The following PTPRE variants were observed in gnomAD, a reference collection of about 807,000 sequenced individuals.
PTPRE encodes receptor-type tyrosine-protein phosphatase epsilon.
In PTPRE, 51 loss-of-function variants were observed where a neutral mutation model predicts 102.0. That is an observed-to-expected ratio of 0.50 (90% CI 0.40 to 0.63). The LOEUF (loss-of-function observed/expected upper bound fraction) is 0.63, where lower values mean the gene tolerates loss of function less well. PTPRE is among the 30% of genes least tolerant of loss of function. The pLI, the probability that PTPRE is intolerant of heterozygous loss-of-function variation, is 0.00. For synonymous variants in PTPRE, 345 were observed against 348.2 expected (o/e 0.99, Z 0.10); for missense variants, 752 against 915.1 (o/e 0.82, Z 2.30).
At chr10:128,064,741 G>T (rs1043119531) in intron 10 of PTPRE, among the ~76,000 whole-genome samples, 1 of 152,222 alleles carries the variant, frequency 6.6e-6, no homozygotes, top group East Asian at 1.9e-4. Context: ...CTGGGCTGCT[G>T]CCGCGTCCTC....
At chr10:128,078,829 G>A (rs542846216) in intron 19 of PTPRE, among the ~76,000 whole-genome samples, 35 of 152,336 alleles carry the variant, frequency 2.3e-4, no homozygotes, top group Admixed American at 5.9e-4. Context: ...CGATCATTGC[G>A]GCAGGACAGG....
intron 1 of PTPRE, among the ~76,000 whole-genome samples, chr10:127,974,267 G>A (rs1850978672): frequency 6.6e-6 from 1 of 152,174 alleles, no homozygotes; most frequent in African/African-American, 2.4e-5. Flanking sequence ...TACTAACCCA[G>A]CAGGAAATTT....
intron 18 of PTPRE, 27 bp downstream of exon 18, chr10:128,076,755 C>G: frequency 6.2e-7 from 1 of 1,609,164 alleles, no homozygotes; most frequent in East Asian, 2.2e-5. Context: ...TCTTTAAACG[C>G]TTGTGAATTT....
At chr10:128,046,816 T>C (rs1299480832) in intron 3 of PTPRE, among the ~76,000 whole-genome samples, 1 of 152,134 alleles carries the variant, frequency 6.6e-6, no homozygotes, top group Non-Finnish European at 1.5e-5. Context: ...GGTCAACCTG[T>C]CAGGTACAAA....
intron 1 of PTPRE, among the ~76,000 whole-genome samples, chr10:127,914,845 A>G (rs1846102619): frequency 6.6e-6 from 1 of 152,208 alleles, no homozygotes; most frequent in South Asian, 2.1e-4. Context: ...GCTGGGCACG[A>G]GATAAGGACC....
At position 127,988,116 on chromosome 10, in the gene PTPRE, C is replaced by T. The variant is rs149238999; in HGVS notation, c.-8+5820C>T. On this transcript the variant is annotated intron_variant, in intron 2 of 20. Transcript: ENST00000254667. The stretch of plus-strand genomic sequence containing the variant: ...GAGTTACAGAGAGATTTCTCAGACC[C>T]GGCGGTGCATCAGGATGAGGTCTCG... Among the ~76,000 whole-genome samples the T allele has an allele frequency of 2.0e-3, 303 of 152,264 alleles. 1 individual carries two copies. Among genetic ancestry groups the T allele is most frequent in the African/African-American group, 4.7e-3 (195 of 41,560 alleles).
At chr10:127,954,803 A>T (rs912777287) in intron 1 of PTPRE, among the ~76,000 whole-genome samples, 1 of 152,024 alleles carries the variant, frequency 6.6e-6, no homozygotes, top group African/African-American at 2.4e-5. Flanking sequence ...TGGAAATGGC[A>T]CTACTCACCA....
chr10:127,985,732 G>T (rs61873717), intron 2 of PTPRE, among the ~76,000 whole-genome samples: 15,936 of 152,124 alleles, frequency 0.1, 1,007 homozygotes, highest in East Asian at 0.2. Flanking sequence ...TACTATAGTG[G>T]GTATCAAAAG....
At chr10:128,032,744 A>C (rs1464474674) in intron 2 of PTPRE, among the ~76,000 whole-genome samples, 1 of 152,256 alleles carries the variant, frequency 6.6e-6, no homozygotes, top group South Asian at 2.1e-4. Context: ...ACCTATCAGA[A>C]ACATGAGAAA....
intron 3 of PTPRE, among the ~76,000 whole-genome samples, chr10:128,045,484 C>T (rs1191979912): frequency 1.3e-5 from 2 of 152,102 alleles, no homozygotes; most frequent in Non-Finnish European, 2.9e-5. Context: ...GCCTGGGGCC[C>T]CGGGAGATGA....
intron 6 of PTPRE, among the ~76,000 whole-genome samples, chr10:128,054,306 G>A (rs1408286406): frequency 1.3e-5 from 2 of 152,150 alleles, no homozygotes; most frequent in African/African-American, 4.8e-5. Context: ...CGAATGCACA[G>A]TATCATGTAC....
At position 128,052,078 on chromosome 10, in the gene PTPRE, G is replaced by A. The variant is rs564103614; in HGVS notation, c.420+2412G>A. 3.9e-5 allele frequency among the ~76,000 whole-genome samples: 6 copies of A among 152,238 alleles called. No homozygotes were observed. In the South Asian group the frequency reaches 1.2e-3, roughly 32 times the overall value. On this transcript the variant is annotated intron_variant, in intron 6 of 20. Coordinates refer to ENST00000254667, the MANE Select transcript of PTPRE (RefSeq NM_006504.6). ...GGGGTCCCACTGTGATGTCCAGGCT[G>A]TGCTTTTCTGCTCATCTGTCCAGTG...
chr10:127,994,799 C>T (rs115821122), intron 2 of PTPRE, among the ~76,000 whole-genome samples: 4,827 of 152,164 alleles, frequency 0.032, 245 homozygotes, highest in African/African-American at 0.1. Flanking sequence ...TAAGGGAGAG[C>T]CTCATTCCAG....
At chr10:127,967,733 G>A (rs1231459289) in intron 1 of PTPRE, among the ~76,000 whole-genome samples, 5 of 152,154 alleles carry the variant, frequency 3.3e-5, no homozygotes, top group Non-Finnish European at 7.3e-5. Flanking sequence ...AAGTGAGCCA[G>A]CACCCAGATC....
chr10:128,079,391 C>T (rs1851507222), intron 19 of PTPRE, among the ~76,000 whole-genome samples, 169 bp from the exon 20 acceptor site: 1 of 152,162 alleles, frequency 6.6e-6, no homozygotes, highest in South Asian at 2.1e-4. Context: ...CTAAATCTTG[C>T]TCAGAAGTTA....
intron 1 of PTPRE, among the ~76,000 whole-genome samples, chr10:127,927,397 C>T (rs1447791692): frequency 1.3e-5 from 2 of 152,198 alleles, no homozygotes; most frequent in Admixed American, 1.3e-4. Context: ...CATGAGAGGG[C>T]ATAGTGGGTA....
At chr10:128,020,056 AC>A (rs1564890481) in intron 2 of PTPRE, among the ~76,000 whole-genome samples, 1 of 84,222 alleles carries the variant, frequency 1.2e-5, no homozygotes, top group African/African-American at 4.3e-5. Flanking sequence ...GCACGCGCGC[AC>A]GTGTGTGTGT....
intron 5 of PTPRE, among the ~76,000 whole-genome samples, chr10:128,049,029 G>T (rs903571825): frequency 2.0e-5 from 3 of 152,134 alleles, no homozygotes; most frequent in African/African-American, 7.2e-5. Context: ...CCCAGACAAG[G>T]GTGGTTTTCC....
intron 1 of PTPRE, among the ~76,000 whole-genome samples, chr10:127,949,202 T>C (rs1284427603): frequency 6.6e-6 from 1 of 152,152 alleles, no homozygotes; most frequent in Non-Finnish European, 1.5e-5. Flanking sequence ...AGCTTGAAGA[T>C]GGCCTGTTGT....
Sources: allele counts gnomAD v4.1 joint callset (sites outside exome capture counted in the v4.1 genomes callset), GRCh38; gene constraint gnomAD v4.1.1; transcripts MANE v1.5; gene names NCBI Gene and HGNC (gene_info 2026-07-23, HGNC 2026-07-21).